Variants in CAPRIN1 observed in about 807,000 individuals in gnomAD.
CAPRIN1 encodes the protein caprin-1.
CAPRIN1 carries 29 observed loss-of-function variants against 100.9 expected under a neutral mutation model. That is an observed-to-expected ratio of 0.29 (90% CI 0.21 to 0.39). The LOEUF is 0.39. CAPRIN1 is among the 10% of genes least tolerant of loss of function. The probability of loss-of-function intolerance (pLI) is 1.00; values close to 1 mark genes in which losing one functional copy is unlikely to be tolerated. For missense variants in CAPRIN1, 795 were observed against 876.7 expected, an observed-to-expected ratio of 0.91 and a Z score of 1.18; for synonymous variants, 338 against 307.5, an observed-to-expected ratio of 1.10 and a Z score of -1.04.
rs1019306495 is a variant in CAPRIN1 at position 34,087,329 on chromosome 11, A to T, written c.1231+916A>T. Among the ~76,000 whole-genome samples, 529 of 96,568 alleles carry T rather than the reference A, an allele frequency of 5.5e-3. 28 individuals carry two copies. The highest frequency in any genetic ancestry group is 0.021 in the African/African-American group (492 of 22,994). 63.4% of individuals were successfully genotyped at this position (96,568 alleles called of 152,430 possible). ...AGTAAAGGGAGCTCATATCTCTCAC[A>T]TTTTTTTTTTTTTTTTTTTTTTGAG... On this transcript the variant is annotated intron_variant, in intron 11 of 18. Transcript: ENST00000341394.
chr11:34,070,779 C>A (rs375650403), intron 2 of CAPRIN1, among the ~76,000 whole-genome samples: 1 of 151,892 alleles, frequency 6.6e-6, no homozygotes, highest in African/African-American at 2.4e-5. Context: ...CTCGGCTCAC[C>A]GCAGCCTCTG....
intron 2 of CAPRIN1, among the ~76,000 whole-genome samples, chr11:34,063,519 G>A (rs1017544183): frequency 6.6e-6 from 1 of 152,166 alleles, no homozygotes; most frequent in African/African-American, 2.4e-5. Flanking sequence ...AGGATATAGA[G>A]CGAGACTGGA....
chr11:34,099,538 G>A lies in CAPRIN1; in HGVS notation c.*171G>A. 4.8e-6 allele frequency: 3 copies of A among 619,370 alleles called. No individual in the cohort carries two copies. The South Asian group carries it at 5.8e-5, about 12-fold the overall frequency. The allele number at this position is 619,370 out of a possible 1,614,324, so 38.4% of individuals were successfully genotyped here. ...ACAATTGTCAGCTTTCTATTACCTGGATATGGAAGGAAACTATTTTTACTC... is the reference window on the plus strand; with the variant it reads ...ACAATTGTCAGCTTTCTATTACCTGAATATGGAAGGAAACTATTTTTACTC... On this transcript the variant is annotated 3_prime_UTR_variant, in exon 19 of 19. Coordinates refer to ENST00000341394, the MANE Select transcript of CAPRIN1 (RefSeq NM_005898.5).
chr11:34,099,303 G>A lies in CAPRIN1; in HGVS notation c.2066G>A (p.Gly689Asp). ...ATCAAATGCCATTTTTGTCTTCTAGGTCGTGGAGGGCCCCCAAGACCCAAC... is the reference window on the plus strand; with the variant it reads ...ATCAAATGCCATTTTTGTCTTCTAGATCGTGGAGGGCCCCCAAGACCCAAC... ...GQSGPRGAPRGRGGPPRPNRG... is the reference protein window; with the variant it reads ...GQSGPRGAPRDRGGPPRPNRG... The change falls in exon 19 of 19, where the codon GGT (glycine) becomes GAT (aspartate). Residue 689 changes from glycine to aspartate, a missense_variant and splice_region_variant. Gly to Asp is a moderately conservative substitution (Grantham distance 94). This residue lies in a region of CAPRIN1 where 648 missense variants were observed against 697.9 expected (regional missense o/e 0.93). Coordinates refer to ENST00000341394, the MANE Select transcript of CAPRIN1 (RefSeq NM_005898.5). The A allele has an allele frequency of 6.2e-7, 1 of 1,613,730 alleles. No individual in the cohort carries two copies. The highest frequency in any genetic ancestry group is 8.5e-7 in the Non-Finnish European group (1 of 1,179,704).
At chr11:34,098,357 A>T (rs1851402023) in intron 18 of CAPRIN1, 9 of 985,070 alleles carry the variant, frequency 9.1e-6, no homozygotes, top group Non-Finnish European at 1.1e-5. Flanking sequence ...TACTTAAAAA[A>T]AATTACAGGT....
Position 34,067,276 on chromosome 11 carries a change from G to T in CAPRIN1, c.217-4450G>T, listed in dbSNP as rs1339759864. On this transcript the variant is annotated intron_variant, in intron 2 of 18. Transcript: ENST00000341394. Reference sequence around the variant, plus strand: ...TTTTTTTGACTGGGCAATTCAGTTCGCTGGGTATAAGGAACTGTGGTCTGC... The same window carrying T: ...TTTTTTTGACTGGGCAATTCAGTTCTCTGGGTATAAGGAACTGTGGTCTGC... Among the ~76,000 whole-genome samples the T allele has an allele frequency of 4.6e-5, 7 of 152,016 alleles. No homozygotes were observed. In the South Asian group the frequency reaches 1.5e-3, roughly 32 times the overall value.
chr11:34,051,944 C>T (rs1326415227), intron 1 of CAPRIN1, 73 bp downstream of exon 1: 2 of 152,262 alleles, frequency 1.3e-5, no homozygotes, highest in African/African-American at 4.8e-5. Context: ...TATCTCCGGA[C>T]CCGCTGGAGC....
At chr11:34,073,861 C>A (rs941867412) in intron 4 of CAPRIN1, among the ~76,000 whole-genome samples, 1 of 152,056 alleles carries the variant, frequency 6.6e-6, no homozygotes, top group African/African-American at 2.4e-5. Flanking sequence ...TGCCTGAGAC[C>A]GGATAATTTA....
chr11:34,070,766 G>A (rs1341644552), intron 2 of CAPRIN1, among the ~76,000 whole-genome samples: 3 of 151,346 alleles, frequency 2.0e-5, no homozygotes, highest in Middle Eastern at 3.2e-3. Flanking sequence ...GCAATGGTGC[G>A]ATCTCGGCTC....
In CAPRIN1 at chr11:34,096,647, A is replaced by G. The variant is rs1590749191; in HGVS notation, c.1874A>G (p.Tyr625Cys). The part of the protein sequence containing the change: ...SRGARGLMNG[Y>C]RGPANGFRGG... ...GGTGCTAGAGGCTTGATGAATGGAT[A>G]CCGGGGCCCTGCCAATGGATTCAGA... is the stretch of plus-strand genomic sequence containing the variant. The change falls in exon 16 of 19, where the codon TAC becomes TGC. Residue 625 changes from tyrosine to cysteine, a missense_variant. Transcript: ENST00000341394. 3 of 1,603,470 alleles carry G rather than the reference A, an allele frequency of 1.9e-6. No individual in the cohort carries two copies. Among genetic ancestry groups the G allele is most frequent in the African/African-American group, 1.3e-5 (1 of 74,716 alleles).
rs1851385471 is a variant in CAPRIN1, at chr11:34,097,232, C to T, written c.1937C>T (p.Thr646Ile). 2 of 1,613,790 alleles carry T rather than the reference C, an allele frequency of 1.2e-6. No homozygotes were observed. The highest frequency in any genetic ancestry group is 1.1e-5 in the South Asian group (1 of 91,088). The change falls in exon 17 of 19, where the codon ACT becomes ATT. Residue 646 changes from threonine (T) to isoleucine (I), a missense_variant. Thr to Ile is a moderately conservative substitution (Grantham distance 89). This residue lies in a region of CAPRIN1 where 648 missense variants were observed against 697.9 expected (regional missense o/e 0.93). Coordinates refer to ENST00000341394, the MANE Select transcript of CAPRIN1 (RefSeq NM_005898.5). ...GGTTACCGCCCTTCATTCTCTAACACTCCAAACAGTGGTTATACACAGTCT... is the reference window on the plus strand; with the variant it reads ...GGTTACCGCCCTTCATTCTCTAACATTCCAAACAGTGGTTATACACAGTCT... ...YDGYRPSFSNTPNSGYTQSQF... is the reference protein window; with the variant it reads ...YDGYRPSFSNIPNSGYTQSQF...
chr11:34,091,374 C>T (rs550039159), intron 14 of CAPRIN1, among the ~76,000 whole-genome samples: 1 of 152,268 alleles, frequency 6.6e-6, no homozygotes, highest in African/African-American at 2.4e-5. Context: ...GCAATATCCG[C>T]CTCCTGGGTT....
At chr11:34,081,213 T>C (rs191676381) in intron 7 of CAPRIN1, among the ~76,000 whole-genome samples, 1 of 152,170 alleles carries the variant, frequency 6.6e-6, no homozygotes, top group East Asian at 1.9e-4. Flanking sequence ...ATTCTTTTTT[T>C]TTTTTTTGAG....
chr11:34,090,310 A>G (rs1462874048), intron 13 of CAPRIN1, 21 bp downstream of exon 13: 14 of 1,519,806 alleles, frequency 9.2e-6, no homozygotes, highest in Non-Finnish European at 1.2e-5. Context: ...TTACCGGGTC[A>G]CATACATTTG....
chr11:34,063,648 A>G (rs1458053385), intron 2 of CAPRIN1, among the ~76,000 whole-genome samples: 1 of 152,116 alleles, frequency 6.6e-6, no homozygotes, highest in Non-Finnish European at 1.5e-5. Flanking sequence ...AAATGGCCTG[A>G]TTTTTATCTT....
intron 2 of CAPRIN1, among the ~76,000 whole-genome samples, chr11:34,067,810 A>T (rs1850728248): frequency 6.6e-6 from 1 of 152,178 alleles, no homozygotes; most frequent in East Asian, 1.9e-4. Flanking sequence ...TAATGTGTAG[A>T]TCTTTATTTT....
At chr11:34,061,835 G>C (rs1850584204) in intron 2 of CAPRIN1, among the ~76,000 whole-genome samples, 1 of 152,022 alleles carries the variant, frequency 6.6e-6, no homozygotes, top group East Asian at 1.9e-4. Flanking sequence ...GCCGTGCGTA[G>C]TGGCTTATGC....
intron 12 of CAPRIN1, chr11:34,089,914 C>G (rs1486737380): frequency 4.4e-6 from 1 of 227,068 alleles, no homozygotes; most frequent in Non-Finnish European, 8.5e-6. Context: ...AAATTTAGTG[C>G]AGATTTCTCC....
chr11:34,065,694 A>G (rs1344785116), intron 2 of CAPRIN1, among the ~76,000 whole-genome samples: 3 of 152,238 alleles, frequency 2.0e-5, no homozygotes, highest in Non-Finnish European at 4.4e-5. Flanking sequence ...TAGCTGAGAG[A>G]TCAGGAAATC....
Sources: gnomAD v4.1 joint callset for allele counts (sites outside exome capture counted in the v4.1 genomes callset) on GRCh38, gnomAD v4.1.1 for gene constraint, gnomAD v4.1.1 regional missense constraint, MANE v1.5 for transcripts, NCBI Gene and HGNC (gene_info 2026-07-23, HGNC 2026-07-21) for gene names.